BICC1: variants seen among roughly 807,000 people sequenced by gnomAD.
The protein encoded by BICC1 is BicC family RNA binding protein 1, also known as protein bicaudal C homolog 1.
Under a neutral mutation model 111.0 loss-of-function variants are expected in BICC1, and 43 were observed. The ratio of observed to expected loss-of-function variants is 0.39; its 90% CI spans 0.30 to 0.50. The LOEUF (loss-of-function observed/expected upper bound fraction) is 0.50, where lower values mean the gene tolerates loss of function less well. Among genes scored for constraint, BICC1 ranks in the 20% least tolerant of loss-of-function variants. BICC1 has a pLI of 0.88. For synonymous variants in BICC1, 467 were observed against 434.4 expected (o/e 1.07, Z -0.93); for missense variants, 1,091 against 1,203.2 (o/e 0.91, Z 1.38).
At chr10:58,768,153 T>C (rs1355863389) in intron 3 of BICC1, among the ~76,000 whole-genome samples, 1 of 152,152 alleles carries the variant, frequency 6.6e-6, no homozygotes, top group African/African-American at 2.4e-5. Context: ...CATAATCTTA[T>C]TGTCAATAAT....
At chr10:58,823,377 A>T (rs1844306971) in intron 20 of BICC1, 1 of 985,216 alleles carries the variant, frequency 1.0e-6, no homozygotes, top group Non-Finnish European at 1.2e-6. Context: ...CATTTAAACA[A>T]CAACAACAGC....
chr10:58,724,808 G>A (rs1022199491), intron 3 of BICC1, among the ~76,000 whole-genome samples: 12 of 152,306 alleles, frequency 7.9e-5, no homozygotes, highest in East Asian at 1.9e-4. Context: ...TGAAACAGGC[G>A]CTGCACCTTC....
At chr10:58,708,664 C>T (rs1840476412) in intron 3 of BICC1, among the ~76,000 whole-genome samples, 1 of 152,212 alleles carries the variant, frequency 6.6e-6, no homozygotes, top group Non-Finnish European at 1.5e-5. Context: ...CTGGCCACTC[C>T]ACCCTAATCT....
intron 1 of BICC1, among the ~76,000 whole-genome samples, chr10:58,607,343 A>AATAAATAAATAAATAAATAAATAC (rs1374739915): frequency 5.9e-5 from 9 of 151,836 alleles, no homozygotes; most frequent in African/African-American, 1.9e-4. Context: ...TAAATAAATA[A>AATAAATAAATAAATAAATAAATAC]AACTGTCATG....
chr10:58,634,517 G>A (rs1456200532), intron 2 of BICC1, among the ~76,000 whole-genome samples: 5 of 152,046 alleles, frequency 3.3e-5, no homozygotes, highest in Admixed American at 3.3e-4. Flanking sequence ...AGTATTTTTT[G>A]GAAAAGCTCC....
chr10:58,761,939 G>A (rs1797220911), intron 3 of BICC1, among the ~76,000 whole-genome samples: 1 of 152,158 alleles, frequency 6.6e-6, no homozygotes, highest in Admixed American at 6.5e-5. Flanking sequence ...GAAAGAACCA[G>A]GAGTCTAAAG....
intron 3 of BICC1, among the ~76,000 whole-genome samples, chr10:58,782,927 C>T (rs79448188): frequency 0.013 from 2,038 of 152,244 alleles, 38 homozygotes; most frequent in African/African-American, 0.046. Flanking sequence ...AGAGAAAGGG[C>T]AGTCCTGGTT....
chr10:58,542,158 A>AAC (rs903434848), intron 1 of BICC1, among the ~76,000 whole-genome samples: 68 of 146,770 alleles, frequency 4.6e-4, no homozygotes, highest in Non-Finnish European at 3.3e-4. Flanking sequence ...CTCAAAAAAA[A>AAC]AAAAAAAACA....
chr10:58,789,301 G>A lies in BICC1; in HGVS notation c.640G>A (p.Ala214Thr), dbSNP rs1376275795. 6.2e-7 allele frequency: 1 copy of A among 1,613,896 alleles called. No homozygotes were observed. The highest frequency in any genetic ancestry group is 8.5e-7 in the Non-Finnish European group (1 of 1,179,918). Reference sequence around the variant, plus strand: ...GGTGCTGATGTTTGAGCTACCAATTGCTGGAATTCTTCAACCGGTTCCTGA... The same window carrying A: ...GGTGCTGATGTTTGAGCTACCAATTACTGGAATTCTTCAACCGGTTCCTGA... ...PLVLMFELPI[A>T]GILQPVPDPN... The change falls in exon 7 of 21, where the codon GCT becomes ACT. Residue 214 changes from alanine (A) to threonine (T), a missense_variant. Physicochemically the swap from Ala to Thr is moderately conservative, Grantham distance 58. Around this residue, in one of 3 missense-constraint regions of BICC1, gnomAD observed 843 missense variants for 900.8 expected, o/e 0.94. Coordinates refer to ENST00000373886, the MANE Select transcript of BICC1 (RefSeq NM_001080512.3).
chr10:58,828,987 G>A lies in BICC1; in HGVS notation c.*96G>A. 6.8e-7 allele frequency: 1 copy of A among 1,466,922 alleles called. No homozygotes were observed. Among genetic ancestry groups the A allele is most frequent in the East Asian group, 2.3e-5 (1 of 43,162 alleles). The allele number at this position is 1,466,922 out of a possible 1,614,324, so 90.9% of individuals were successfully genotyped here. ...CAGCACACCATCCTTAGCACTCTGG[G>A]TGTCTGGTATCAGGACCAAAGCATT... On this transcript the variant is annotated 3_prime_UTR_variant, in exon 21 of 21. Transcript: ENST00000373886.
At chr10:58,673,415 G>T (rs1839240921) in intron 2 of BICC1, among the ~76,000 whole-genome samples, 1 of 152,112 alleles carries the variant, frequency 6.6e-6, no homozygotes, top group Non-Finnish European at 1.5e-5. Flanking sequence ...AGGCTTAATT[G>T]GACTCAGTTT....
intron 1 of BICC1, among the ~76,000 whole-genome samples, chr10:58,606,146 A>T (rs1845204578): frequency 6.6e-6 from 1 of 152,000 alleles, no homozygotes; most frequent in African/African-American, 2.4e-5. Flanking sequence ...CACAGCTGTC[A>T]TCATGGAATT....
rs373296768 is a variant in BICC1 at position 58,673,874 on chromosome 10, G to A, written c.238-28200G>A. On this transcript the variant is annotated intron_variant, in intron 2 of 20. Transcript: ENST00000373886. ...TCGAACTCTTGACCTCAGGTGATCC[G>A]TCTGCCTTGGCCTCCCAAAGTGCTG... Among the ~76,000 whole-genome samples, 7 of 150,364 alleles carry A rather than the reference G, an allele frequency of 4.7e-5. No homozygotes were observed. In the East Asian group the frequency reaches 1.2e-3, roughly 25 times the overall value.
At chr10:58,657,056 C>T (rs1302651189) in intron 2 of BICC1, among the ~76,000 whole-genome samples, 2 of 152,112 alleles carry the variant, frequency 1.3e-5, no homozygotes, top group South Asian at 4.1e-4. Flanking sequence ...TTCTCCATTC[C>T]TCTATCTTAA....
intron 2 of BICC1, among the ~76,000 whole-genome samples, chr10:58,672,094 A>C (rs1024252177): frequency 6.6e-6 from 1 of 152,194 alleles, no homozygotes; most frequent in Admixed American, 6.6e-5. Context: ...TATACATAAC[A>C]TGAAATTTAC....
intron 1 of BICC1, among the ~76,000 whole-genome samples, chr10:58,560,449 C>G (rs1452887817): frequency 6.6e-6 from 1 of 151,874 alleles, no homozygotes; most frequent in Non-Finnish European, 1.5e-5. Flanking sequence ...GGTATTCTCT[C>G]TTTCTCCTGG....
At chr10:58,601,709 A>T (rs1261689187) in intron 1 of BICC1, among the ~76,000 whole-genome samples, 1 of 152,100 alleles carries the variant, frequency 6.6e-6, no homozygotes, top group Non-Finnish European at 1.5e-5. Flanking sequence ...CAAACACTAC[A>T]TCATTACTAG....
chr10:58,550,420 G>A (rs1843265882), intron 1 of BICC1, among the ~76,000 whole-genome samples: 1 of 152,158 alleles, frequency 6.6e-6, no homozygotes, highest in Non-Finnish European at 1.5e-5. Context: ...GTCTTTCACA[G>A]AGTAGAGTTT....
At chr10:58,532,124 C>T (rs1842697121) in intron 1 of BICC1, among the ~76,000 whole-genome samples, 1 of 151,670 alleles carries the variant, frequency 6.6e-6, no homozygotes, top group South Asian at 2.1e-4. Flanking sequence ...CACTAAGACA[C>T]ATTCTAGTCA....
Sources: gnomAD v4.1 joint callset for allele counts (sites outside exome capture counted in the v4.1 genomes callset) on GRCh38, gnomAD v4.1.1 for gene constraint, gnomAD v4.1.1 regional missense constraint, MANE v1.5 for transcripts, NCBI Gene and HGNC (gene_info 2026-07-23, HGNC 2026-07-21) for gene names.